The following RAB40C variants were observed in gnomAD, a reference collection of about 807,000 sequenced individuals.
RAB40C encodes RAB40C, member RAS oncogene family.
In RAB40C, 8 loss-of-function variants were observed where a neutral mutation model predicts 28.1. That is an observed-to-expected ratio of 0.28 (90% CI 0.17 to 0.51). The LOEUF is 0.51. RAB40C is among the 20% of genes least tolerant of loss of function. RAB40C has a pLI of 0.97. For missense variants in RAB40C, 288 were observed against 405.9 expected (o/e 0.71, Z 2.50); for synonymous variants, 201 against 171.7 (o/e 1.17, Z -1.34).
rs1490816994 is a variant in RAB40C at position 627,724 on chromosome 16, C to A, written c.*102C>A. The A allele has an allele frequency of 3.7e-6, 5 of 1,356,670 alleles. No individual in the cohort carries two copies. Among genetic ancestry groups the A allele is most frequent in the Non-Finnish European group, 4.9e-6 (5 of 1,019,358 alleles). The allele number at this position is 1,356,670 out of a possible 1,614,324, so 84.0% of individuals were successfully genotyped here. ...GCCGCCTACGTGGAGACTGTCCACACAGCTGCCTCAGAAGCGCCGGGCTTT... is the reference window on the plus strand; with the variant it reads ...GCCGCCTACGTGGAGACTGTCCACAAAGCTGCCTCAGAAGCGCCGGGCTTT... On this transcript the variant is annotated 3_prime_UTR_variant, in exon 6 of 6. Transcript: ENST00000248139.
At chr16:619,813 C>T (rs1420276966) in intron 3 of RAB40C, among the ~76,000 whole-genome samples, 1 of 152,226 alleles carries the variant, frequency 6.6e-6, no homozygotes, top group African/African-American at 2.4e-5. Flanking sequence ...AGCTTCGTCC[C>T]ATGGCAAGCT....
intron 3 of RAB40C, among the ~76,000 whole-genome samples, chr16:623,315 C>A (rs770780506): frequency 6.6e-6 from 1 of 152,336 alleles, no homozygotes; most frequent in East Asian, 1.9e-4. Flanking sequence ...ATATAAACTT[C>A]TTCAGTGTAA....
At chr16:609,248 G>T (rs1180479570) in intron 1 of RAB40C, among the ~76,000 whole-genome samples, 1 of 152,196 alleles carries the variant, frequency 6.6e-6, no homozygotes, top group Admixed American at 6.5e-5. Context: ...GGAGGTCAGG[G>T]CAGTGCCTGG....
In RAB40C at chr16:607,312, C is replaced by T. The variant is rs555258612; in HGVS notation, c.143-9896C>T. Reference sequence around the variant, plus strand: ...AGGAGTTTGAGACCAGCCTGGCCAACATGGTGAAACCCCATCTCTACTAAA... The same window carrying T: ...AGGAGTTTGAGACCAGCCTGGCCAATATGGTGAAACCCCATCTCTACTAAA... On this transcript the variant is annotated intron_variant, in intron 1 of 5. Coordinates refer to ENST00000248139, the MANE Select transcript of RAB40C (RefSeq NM_021168.5). 2.6e-5 allele frequency among the ~76,000 whole-genome samples: 4 copies of T among 151,706 alleles called. No homozygotes were observed. The East Asian group carries it at 5.8e-4, about 22-fold the overall frequency.
At chr16:593,014 TAGAA>T (rs1480782388) in intron 1 of RAB40C, among the ~76,000 whole-genome samples, 4 of 152,198 alleles carry the variant, frequency 2.6e-5, no homozygotes, top group East Asian at 1.9e-4. Flanking sequence ...AGTCCACTCT[TAGAA>T]AGACACCACG....
In RAB40C at chr16:619,092, G is replaced by A. The variant is rs1479041053; in HGVS notation, c.264+832G>A. 6.7e-5 allele frequency among the ~76,000 whole-genome samples: 9 copies of A among 134,940 alleles called. No homozygotes were observed. In the Admixed American group the frequency reaches 6.8e-4, roughly 10 times the overall value. The allele number at this position is 134,940 out of a possible 152,430, so 88.5% of individuals were successfully genotyped here. A position where few individuals can be genotyped will look rare whatever the true frequency, so the allele number is the denominator to read the frequency against. On this transcript the variant is annotated intron_variant, in intron 3 of 5. Coordinates refer to ENST00000248139, the MANE Select transcript of RAB40C (RefSeq NM_021168.5). ...TGCACTCGGCCATGTGTGTGTGCAGGCATGTGCACAGGTCTGGCGGGGGCA... is the reference window on the plus strand; with the variant it reads ...TGCACTCGGCCATGTGTGTGTGCAGACATGTGCACAGGTCTGGCGGGGGCA...
intron 1 of RAB40C, among the ~76,000 whole-genome samples, chr16:595,928 C>T (rs938786801): frequency 2.6e-5 from 4 of 152,212 alleles, no homozygotes; most frequent in African/African-American, 9.6e-5. Context: ...ATAAGTTGGA[C>T]TGGCATGGCC....
intron 1 of RAB40C, among the ~76,000 whole-genome samples, chr16:592,568 C>T (rs966900290): frequency 1.3e-5 from 2 of 152,250 alleles, no homozygotes; most frequent in Non-Finnish European, 2.9e-5. Flanking sequence ...CAGTGACTGC[C>T]CCAGAATTGG....
At chr16:621,481 C>T (rs2036715440) in intron 3 of RAB40C, among the ~76,000 whole-genome samples, 1 of 152,248 alleles carries the variant, frequency 6.6e-6, no homozygotes, top group Non-Finnish European at 1.5e-5. Context: ...GCAAAGGCCA[C>T]CGGCCACTCC....
chr16:624,726 G>A (rs887619033), intron 3 of RAB40C: 21 of 985,332 alleles, frequency 2.1e-5, no homozygotes, highest in Middle Eastern at 5.2e-4. Flanking sequence ...GGGAGTGGAC[G>A]TTGGGGAGAG....
In RAB40C at chr16:617,190, C is replaced by T. The variant is rs747841612; in HGVS notation, c.143-18C>T. The stretch of plus-strand genomic sequence containing the variant: ...CCAGGAGTGGCGCGTCCCCTCAGCG[C>T]CCTGTGCTTCCTCGCAGGGATCGAC... On this transcript the variant is annotated intron_variant, in intron 1 of 5. Coordinates refer to ENST00000248139, the MANE Select transcript of RAB40C (RefSeq NM_021168.5). 2 of 1,613,170 alleles carry T rather than the reference C, an allele frequency of 1.2e-6. No individual in the cohort carries two copies. Among genetic ancestry groups the T allele is most frequent in the Non-Finnish European group, 1.7e-6 (2 of 1,179,920 alleles).
chr16:626,020 T>C lies in RAB40C; in HGVS notation c.464T>C (p.Val155Ala), dbSNP rs761182946. 1 of 1,613,340 alleles carries C rather than the reference T, an allele frequency of 6.2e-7. No homozygotes were observed. The highest frequency in any genetic ancestry group is 8.5e-7 in the Non-Finnish European group (1 of 1,179,968). Residue 155 changes from valine to alanine, a missense_variant, in exon 5 of 6, where the codon GTC becomes GCC. By Grantham distance (64) the Val-to-Ala change is moderately conservative (BLOSUM62 0). Coordinates refer to ENST00000248139, the MANE Select transcript of RAB40C (RefSeq NM_021168.5). Reference protein sequence around the residue: ...AEKNCMTFFEVSPLCNFNVIE... With the variant: ...AEKNCMTFFEASPLCNFNVIE... ...AAGAACTGCATGACCTTCTTTGAGG[T>C]CAGCCCCCTGTGCAACTTCAACGTC...
rs1009536780 is a variant in RAB40C, at chr16:625,258, A to G, written c.265-174A>G. ...GTCCTGCCAGGTGAGGGCAGGGGTG[A>G]GGGGCAGGGCTGCACCAGCTCTGCC... On this transcript the variant is annotated intron_variant, in intron 3 of 5. Coordinates refer to ENST00000248139, the MANE Select transcript of RAB40C (RefSeq NM_021168.5). 6 of 1,449,832 alleles carry G rather than the reference A, an allele frequency of 4.1e-6. No individual in the cohort carries two copies. In the African/African-American group the frequency reaches 7.0e-5, roughly 17 times the overall value. The allele number at this position is 1,449,832 out of a possible 1,614,324, so 89.8% of individuals were successfully genotyped here.
At chr16:613,940 C>T (rs987984135) in intron 1 of RAB40C, among the ~76,000 whole-genome samples, 3 of 152,152 alleles carry the variant, frequency 2.0e-5, no homozygotes, top group African/African-American at 7.2e-5. Context: ...CAGCTTCACA[C>T]GCAGCTCGGG....
chr16:591,737 G>A (rs2036003750), intron 1 of RAB40C, among the ~76,000 whole-genome samples: 1 of 151,960 alleles, frequency 6.6e-6, no homozygotes, highest in Non-Finnish European at 1.5e-5. Context: ...GACTACAGGT[G>A]TATGCCACCA....
chr16:617,240 G>A lies in RAB40C; in HGVS notation c.175G>A (p.Asp59Asn). ...IDYKTTTILL[D>N]GRRVKLELWD... Reference sequence around the variant, plus strand: ...CTACAAGACCACCACCATCCTGCTGGACGGCCGGCGCGTGAAGCTGGAGCT... The same window carrying A: ...CTACAAGACCACCACCATCCTGCTGAACGGCCGGCGCGTGAAGCTGGAGCT... The change falls in exon 2 of 6, where the codon GAC becomes AAC. Residue 59 changes from aspartate (D) to asparagine (N), a missense_variant. This residue lies in a region of RAB40C where 78 missense variants were observed against 88.2 expected (regional missense o/e 0.88). Transcript: ENST00000248139. 6.2e-7 allele frequency: 1 copy of A among 1,614,132 alleles called. No individual in the cohort carries two copies. The highest frequency in any genetic ancestry group is 8.5e-7 in the Non-Finnish European group (1 of 1,180,020).
Position 627,821 on chromosome 16 carries a change from G to A in RAB40C, c.*199G>A. The A allele has an allele frequency of 1.8e-6, 1 of 550,430 alleles. No homozygotes were observed. The highest frequency in any genetic ancestry group is 2.9e-6 in the Non-Finnish European group (1 of 343,736). The allele number at this position is 550,430 out of a possible 1,614,324, so 34.1% of individuals were successfully genotyped here. A position where few individuals can be genotyped will look rare whatever the true frequency, so the allele number is the denominator to read the frequency against. On this transcript the variant is annotated 3_prime_UTR_variant, in exon 6 of 6. Coordinates refer to ENST00000248139, the MANE Select transcript of RAB40C (RefSeq NM_021168.5). ...GCGGCAGGCGGGAGGAGGGGGCGCG[G>A]CTGGGCTGCTGGTGCTTCCGGGAAT...
At chr16:591,732 C>T (rs1049243762) in intron 1 of RAB40C, among the ~76,000 whole-genome samples, 1 of 151,952 alleles carries the variant, frequency 6.6e-6, no homozygotes, top group African/African-American at 2.4e-5. Context: ...GCTGGGACTA[C>T]AGGTGTATGC....
intron 1 of RAB40C, among the ~76,000 whole-genome samples, chr16:603,888 T>C (rs915459446): frequency 6.6e-6 from 1 of 152,192 alleles, no homozygotes; most frequent in Non-Finnish European, 1.5e-5. Flanking sequence ...TTGAAACTTA[T>C]TCATGATGTA....
Sources: gnomAD v4.1 joint callset for allele counts (sites outside exome capture counted in the v4.1 genomes callset) on GRCh38, gnomAD v4.1.1 for gene constraint, gnomAD v4.1.1 regional missense constraint, MANE v1.5 for transcripts, NCBI Gene and HGNC (gene_info 2026-07-23, HGNC 2026-07-21) for gene names.